Variants in ZDHHC21 observed in about 807,000 individuals in gnomAD.
The protein encoded by ZDHHC21 is palmitoyltransferase ZDHHC21.
In ZDHHC21, 15 loss-of-function variants were observed where a neutral mutation model predicts 34.6. The observed-to-expected ratio is 0.43, with a 90% CI of 0.29 to 0.67. ZDHHC21 has a LOEUF of 0.67. Ranked by LOEUF, ZDHHC21 falls within the 30% of genes least tolerant of loss-of-function variation. The probability of loss-of-function intolerance (pLI) is 0.14; values close to 1 mark genes in which losing one functional copy is unlikely to be tolerated. For missense variants in ZDHHC21, 344 were observed against 327.7 expected, an observed-to-expected ratio of 1.05 and a Z score of -0.38; for synonymous variants, 142 against 101.8, an observed-to-expected ratio of 1.40 and a Z score of -2.38.
At chr9:14,651,804 A>C (rs7869713) in intron 7 of ZDHHC21, among the ~76,000 whole-genome samples, 142,331 of 151,978 alleles carry the variant, frequency 0.94, 66,707 homozygotes, top group Non-Finnish European at 0.95. Context: ...TCTGCTTATA[A>C]GCATTTAAAG....
chr9:14,601,663 T>C, the ZDHHC21 span, among the ~76,000 whole-genome samples: 1 of 152,228 alleles, frequency 6.6e-6, no homozygotes, highest in Non-Finnish European at 1.5e-5. Flanking sequence ...CCCAAAGGAT[T>C]ATAAATCATT....
intron 2 of ZDHHC21, among the ~76,000 whole-genome samples, chr9:14,685,369 C>T (rs1160941252): frequency 1.3e-5 from 2 of 151,226 alleles, no homozygotes; most frequent in Non-Finnish European, 3.0e-5. Flanking sequence ...AAAAAACAAA[C>T]AACCCCATCA....
At chr9:14,655,437 T>C (rs1173264439) in intron 7 of ZDHHC21, among the ~76,000 whole-genome samples, 1 of 151,930 alleles carries the variant, frequency 6.6e-6, no homozygotes. Context: ...ATACTGACTA[T>C]AGGTAACATA....
At chr9:14,681,283 G>A (rs1837322913) in intron 2 of ZDHHC21, among the ~76,000 whole-genome samples, 1 of 152,002 alleles carries the variant, frequency 6.6e-6, no homozygotes. Flanking sequence ...GGAGTGCAGT[G>A]GCTATTCCCA....
chr9:14,592,933 T>C, the ZDHHC21 span, among the ~76,000 whole-genome samples: 1 of 151,834 alleles, frequency 6.6e-6, no homozygotes. Flanking sequence ...AAACAACAGA[T>C]CAAATGGGAA....
chr9:14,682,294 C>T (rs1460412076), intron 2 of ZDHHC21, among the ~76,000 whole-genome samples: 3 of 152,032 alleles, frequency 2.0e-5, no homozygotes, highest in Non-Finnish European at 4.4e-5. Flanking sequence ...TTCAGGAGAC[C>T]CATCTCACGT....
the ZDHHC21 span, among the ~76,000 whole-genome samples, chr9:14,595,029 G>A: frequency 6.6e-6 from 1 of 152,138 alleles, no homozygotes; most frequent in Non-Finnish European, 1.5e-5. Flanking sequence ...AGTTATTAGT[G>A]CAGATGTGGA....
At position 14,618,864 on chromosome 9, in the gene ZDHHC21, G is replaced by A. The variant is rs916551900; in HGVS notation, c.*102C>T. 3.0e-6 allele frequency: 4 copies of A among 1,314,030 alleles called. No homozygotes were observed. The African/African-American group carries it at 4.5e-5, about 15-fold the overall frequency. The allele number at this position is 1,314,030 out of a possible 1,614,324, so 81.4% of individuals were successfully genotyped here. A position where few individuals can be genotyped will look rare whatever the true frequency, so the allele number is the denominator to read the frequency against. ...CACATTATGATGCCTAAGACTGGTG[G>A]GTGGATTTTAATTGACTTGAAGACT... On this transcript the variant is annotated 3_prime_UTR_variant, in exon 10 of 10. Transcript: ENST00000380916.
chr9:14,674,316 C>T lies in ZDHHC21; in HGVS notation c.25G>A (p.Val9Ile). MGLRIHFV[V>I]DPHGWCCMGL... ...ATGCAGCACCAACCATGTGGGTCAA[C>T]AACAAAGTGAATCCGGAGACCCATT... Residue 9 changes from valine to isoleucine, a missense_variant, in exon 4 of 10, where the codon GTT becomes ATT. Transcript: ENST00000380916. The T allele has an allele frequency of 6.3e-7, 1 of 1,595,358 alleles. No homozygotes were observed. The highest frequency in any genetic ancestry group is 8.5e-7 in the Non-Finnish European group (1 of 1,172,804).
rs550668031 is a variant in ZDHHC21 at position 14,611,690 on chromosome 9, G to T, written c.*7276C>A. The T allele has an allele frequency of 3.9e-5, 6 of 152,034 alleles. No homozygotes were observed. The East Asian group carries it at 1.2e-3, about 29-fold the overall frequency. The allele number at this position is 152,034 out of a possible 1,614,324, so 9.4% of individuals were successfully genotyped here. A position where few individuals can be genotyped will look rare whatever the true frequency, so the allele number is the denominator to read the frequency against. Reference sequence around the variant, plus strand: ...TAGATTTTGGCTATTCATTAAACTTGCCAGTTAGATCACACACAAAAAAAC... The same window carrying T: ...TAGATTTTGGCTATTCATTAAACTTTCCAGTTAGATCACACACAAAAAAAC... On this transcript the variant is annotated 3_prime_UTR_variant, in exon 10 of 10. Coordinates refer to ENST00000380916, the MANE Select transcript of ZDHHC21 (RefSeq NM_178566.6).
At chr9:14,601,904 C>A in the ZDHHC21 span, among the ~76,000 whole-genome samples, 3 of 152,016 alleles carry the variant, frequency 2.0e-5, no homozygotes, top group African/African-American at 7.3e-5. Flanking sequence ...GAACAGAAAA[C>A]CAAACACTAC....
At chr9:14,689,089 C>T (rs1027958096) in intron 2 of ZDHHC21, among the ~76,000 whole-genome samples, 2 of 152,096 alleles carry the variant, frequency 1.3e-5, no homozygotes, top group Non-Finnish European at 2.9e-5. Context: ...AAAAATGCCC[C>T]GTTATCTACT....
chr9:14,692,657 G>A (rs1368753383), intron 1 of ZDHHC21, among the ~76,000 whole-genome samples: 1 of 152,110 alleles, frequency 6.6e-6, no homozygotes, highest in Non-Finnish European at 1.5e-5. Flanking sequence ...AGTAACAAGT[G>A]CAAACTGCTG....
intron 7 of ZDHHC21, among the ~76,000 whole-genome samples, chr9:14,644,516 T>A (rs1486211419): frequency 6.6e-6 from 1 of 151,938 alleles, no homozygotes; most frequent in Non-Finnish European, 1.5e-5. Context: ...GTTTTTTTTT[T>A]AAGGGGGTCG....
intron 7 of ZDHHC21, among the ~76,000 whole-genome samples, chr9:14,645,967 T>C (rs1286651341): frequency 6.6e-6 from 1 of 152,154 alleles, no homozygotes; most frequent in African/African-American, 2.4e-5. Flanking sequence ...GGAGTTTAAA[T>C]GGGTGCAACT....
intron 6 of ZDHHC21, among the ~76,000 whole-genome samples, chr9:14,660,718 G>C (rs1833235806): frequency 6.6e-6 from 1 of 152,064 alleles, no homozygotes; most frequent in African/African-American, 2.4e-5. Flanking sequence ...GGCCCAGAAA[G>C]AGAAATCACC....
At chr9:14,629,089 C>T (rs1319693863) in intron 8 of ZDHHC21, among the ~76,000 whole-genome samples, 1 of 152,142 alleles carries the variant, frequency 6.6e-6, no homozygotes, top group Non-Finnish European at 1.5e-5. Flanking sequence ...GTTAGGATAA[C>T]AAATAGAATA....
chr9:14,601,915 A>C, the ZDHHC21 span, among the ~76,000 whole-genome samples: 1 of 152,064 alleles, frequency 6.6e-6, no homozygotes, highest in Non-Finnish European at 1.5e-5. Context: ...CAAACACTAC[A>C]TGTTCTCACT....
At position 14,615,077 on chromosome 9, in the gene ZDHHC21, G is replaced by GA. The variant is rs1363925606; in HGVS notation, c.*3888dup. ...ATTAAACCAGAGCTTGGTACATTGT[G>GA]ATTTTATAGCAATACATGTGAAAAC... is the stretch of plus-strand genomic sequence containing the variant. On this transcript the variant is annotated 3_prime_UTR_variant, in exon 10 of 10. Coordinates refer to ENST00000380916, the MANE Select transcript of ZDHHC21 (RefSeq NM_178566.6). 6.6e-6 allele frequency: 1 copy of GA among 151,632 alleles called. No individual in the cohort carries two copies. Among genetic ancestry groups the GA allele is most frequent in the Non-Finnish European group, 1.5e-5 (1 of 67,686 alleles). 9.4% of individuals were successfully genotyped at this position (151,632 alleles called of 1,614,324 possible).
Sources: allele counts gnomAD v4.1 joint callset (sites outside exome capture counted in the v4.1 genomes callset), GRCh38; gene constraint gnomAD v4.1.1; transcripts MANE v1.5; gene names NCBI Gene and HGNC (gene_info 2026-07-23, HGNC 2026-07-21).